Variants in CFAP74 observed in about 807,000 individuals in gnomAD.
CFAP74 encodes the protein cilia- and flagella-associated protein 74.
CFAP74 carries 124 observed loss-of-function variants against 188.9 expected under a neutral mutation model. The ratio of observed to expected loss-of-function variants is 0.66; its 90% CI spans 0.57 to 0.76. CFAP74 has a LOEUF of 0.76. Ranked by LOEUF, CFAP74 falls within the 30% of genes least tolerant of loss-of-function variation. The pLI is 0.00. For synonymous variants in CFAP74, 956 were observed against 916.7 expected (o/e 1.04, Z -0.77); for missense variants, 2,198 against 2,165.2 (o/e 1.02, Z -0.30).
intron 1 of CFAP74, among the ~76,000 whole-genome samples, chr1:1,993,372 A>G (rs1020348286): frequency 2.0e-5 from 3 of 151,370 alleles, no homozygotes; most frequent in Admixed American, 6.6e-5. Flanking sequence ...GCAGCCTCCA[A>G]CTCCTGGGCT....
chr1:1,951,709 C>T lies in CFAP74; in HGVS notation c.2176+3982G>A, dbSNP rs77591335. 4.4e-3 allele frequency among the ~76,000 whole-genome samples: 670 copies of T among 152,288 alleles called. 4 individuals carry two copies. Among genetic ancestry groups the T allele is most frequent in the Middle Eastern group, 0.017 (5 of 294 alleles). On this transcript the variant is annotated intron_variant, in intron 18 of 38. Coordinates refer to ENST00000682832, the MANE Select transcript of CFAP74 (RefSeq NM_001304360.2). ...GAATTTTGGTTGGAATTGCATTGATCCATAGTTAGTTCTGGGATATTCACA... is the reference window on the plus strand; with the variant it reads ...GAATTTTGGTTGGAATTGCATTGATTCATAGTTAGTTCTGGGATATTCACA...
chr1:1,925,859 A>G lies in CFAP74; in HGVS notation c.4028T>C (p.Ile1343Thr). The G allele has an allele frequency of 9.3e-6, 15 of 1,612,688 alleles. No homozygotes were observed. The highest frequency in any genetic ancestry group is 1.3e-5 in the Non-Finnish European group (15 of 1,179,924). The change falls in exon 33 of 39, where the codon ATC (isoleucine) becomes ACC (threonine). Residue 1343 changes from isoleucine to threonine, a missense_variant. Physicochemically the swap from Ile to Thr is moderately conservative, Grantham distance 89 (BLOSUM62 -1). Coordinates refer to ENST00000682832, the MANE Select transcript of CFAP74 (RefSeq NM_001304360.2). The stretch of plus-strand genomic sequence containing the variant: ...GACGCTGCCTTCAATGGAGCACGTG[A>G]TCATGGACGCCACGCCAGTGCCCAT... The part of the protein sequence containing the change: ...TLMGTGVASM[I>T]TCSIEGSVLN...
At chr1:1,951,302 C>T (rs1267703580) in intron 18 of CFAP74, among the ~76,000 whole-genome samples, 1 of 152,186 alleles carries the variant, frequency 6.6e-6, no homozygotes, top group Non-Finnish European at 1.5e-5. Context: ...TTCCTCTCTC[C>T]ACACGTGGGG....
At chr1:1,936,839 G>A (rs1158008672) in intron 25 of CFAP74, among the ~76,000 whole-genome samples, 2 of 151,448 alleles carry the variant, frequency 1.3e-5, no homozygotes, top group African/African-American at 2.4e-5. Context: ...CCGGGAGGTG[G>A]AGGCTGCAGT....
Position 1,980,510 on chromosome 1 carries a change from C to T in CFAP74, c.500+4876G>A, listed in dbSNP as rs912060159. ...GCAGTGGGCGCCTCACAGCAGCCCCCGGGCACAGGGATGGGACCTGCGCAG... is the reference window on the plus strand; with the variant it reads ...GCAGTGGGCGCCTCACAGCAGCCCCTGGGCACAGGGATGGGACCTGCGCAG... On this transcript the variant is annotated intron_variant, in intron 6 of 38. Transcript: ENST00000682832. Among the ~76,000 whole-genome samples the T allele has an allele frequency of 3.9e-5, 6 of 152,254 alleles. 2 individuals are homozygous for T. The highest frequency in any genetic ancestry group is 7.2e-5 in the African/African-American group (3 of 41,468).
At chr1:1,977,272 G>A (rs957809711) in intron 6 of CFAP74, among the ~76,000 whole-genome samples, 3 of 152,206 alleles carry the variant, frequency 2.0e-5, no homozygotes, top group Non-Finnish European at 4.4e-5. Flanking sequence ...CACAGCAGAG[G>A]CTGATTGGGA....
intron 32 of CFAP74, 28 bp downstream of exon 32, chr1:1,926,200 G>A (rs1651876622): frequency 6.8e-7 from 1 of 1,476,900 alleles, no homozygotes; most frequent in South Asian, 1.4e-5. Context: ...TTGGGCCGCA[G>A]TGTGGCCAGG....
At chr1:1,960,694 C>T (rs1389155262) in intron 14 of CFAP74, among the ~76,000 whole-genome samples, 1 of 152,210 alleles carries the variant, frequency 6.6e-6, no homozygotes, top group African/African-American at 2.4e-5. Context: ...GTGTCCCTGG[C>T]TGGCAACATT....
intron 9 of CFAP74, among the ~76,000 whole-genome samples, chr1:1,971,105 G>T (rs1398339473): frequency 1.6e-5 from 2 of 126,288 alleles, no homozygotes; most frequent in African/African-American, 6.9e-5. Flanking sequence ...ACCTGCACAC[G>T]TGTGCACACA....
rs1256036934 is a variant in CFAP74, at chr1:1,956,776, G to A, written c.1860C>T (p.Leu620=). The stretch of plus-strand genomic sequence containing the variant: ...TGCCGAAGTCAATGAGCTCCTTGTC[G>A]AGGGACAGCTGCCAGAGGACATGGA... ...KCSTKKCSLS[L]DKELIDFGSY... The change falls in exon 17 of 39, where the codon CTC becomes CTT. Residue 620 remains leucine, a synonymous_variant. Coordinates refer to ENST00000682832, the MANE Select transcript of CFAP74 (RefSeq NM_001304360.2). The A allele has an allele frequency of 6.2e-6, 10 of 1,612,352 alleles. No homozygotes were observed. Among genetic ancestry groups the A allele is most frequent in the African/African-American group, 4.0e-5 (3 of 74,892 alleles).
chr1:1,990,286 C>T lies in CFAP74; in HGVS notation c.67+604G>A, dbSNP rs548102684. Among the ~76,000 whole-genome samples, 9 of 149,632 alleles carry T rather than the reference C, an allele frequency of 6.0e-5. No individual in the cohort carries two copies. The East Asian group carries it at 1.8e-3, about 29-fold the overall frequency. On this transcript the variant is annotated intron_variant, in intron 2 of 38. Coordinates refer to ENST00000682832, the MANE Select transcript of CFAP74 (RefSeq NM_001304360.2). The stretch of plus-strand genomic sequence containing the variant: ...ACAGCGGACTTCCGGCAAAACACGG[C>T]AAAGGGAACACAGTTTTTCTTCCCT...
chr1:1,971,208 C>T lies in CFAP74; in HGVS notation c.889-392G>A, dbSNP rs367983465. On this transcript the variant is annotated intron_variant, in intron 9 of 38. Coordinates refer to ENST00000682832, the MANE Select transcript of CFAP74 (RefSeq NM_001304360.2). The stretch of plus-strand genomic sequence containing the variant: ...GTGCACAGACGTGCTTACATGCACA[C>T]CTGCACACATACGCGTGCACGCCTG... Among the ~76,000 whole-genome samples, 214 of 151,854 alleles carry T rather than the reference C, an allele frequency of 1.4e-3. 1 individual carries two copies. The highest frequency in any genetic ancestry group is 4.7e-3 in the African/African-American group (193 of 41,340).
chr1:1,922,557 G>A, intron 38 of CFAP74, 32 bp downstream of exon 38: 1 of 1,605,548 alleles, frequency 6.2e-7, no homozygotes. Flanking sequence ...GCGTTCCCAG[G>A]GCTCCCTGGC....
In CFAP74 at chr1:1,938,685, C is replaced by G. The variant is rs112300743; in HGVS notation, c.3011+170G>C. 2.2e-3 allele frequency among the ~76,000 whole-genome samples: 332 copies of G among 152,332 alleles called. 1 individual carries two copies. The highest frequency in any genetic ancestry group is 7.4e-3 in the African/African-American group (307 of 41,568). ...TCAAGGCTGCCTGGGTCCCAGGCCT[C>G]TCTGCACCCAGGTTTGAGGTTCCTG... On this transcript the variant is annotated intron_variant, in intron 25 of 38. Transcript: ENST00000682832.
At chr1:1,963,599 A>T in intron 14 of CFAP74, 150 bp downstream of exon 14, 1 of 547,490 alleles carries the variant, frequency 1.8e-6, no homozygotes, top group Non-Finnish European at 3.2e-6. Flanking sequence ...AAGAAGACAG[A>T]GGAGCCCCCT....
chr1:1,991,515 A>C (rs1210618270), intron 1 of CFAP74, among the ~76,000 whole-genome samples: 2 of 151,814 alleles, frequency 1.3e-5, no homozygotes, highest in Non-Finnish European at 2.9e-5. Flanking sequence ...AGGCAGGAGA[A>C]TTGCTTGAAC....
chr1:1,991,015 T>C lies in CFAP74; in HGVS notation c.-19-40A>G, dbSNP rs533698823. 66 of 1,369,548 alleles carry C rather than the reference T, an allele frequency of 4.8e-5. No individual in the cohort carries two copies. In the African/African-American group the frequency reaches 6.6e-4, roughly 14 times the overall value. 84.8% of individuals were successfully genotyped at this position (1,369,548 alleles called of 1,614,324 possible). A position where few individuals can be genotyped will look rare whatever the true frequency, so the allele number is the denominator to read the frequency against. On this transcript the variant is annotated intron_variant, in intron 1 of 38. Transcript: ENST00000682832. ...CGCAAAATATAGATCAATAAAATCATAGATTTAAAAGACGGTGAATTAACC... is the reference window on the plus strand; with the variant it reads ...CGCAAAATATAGATCAATAAAATCACAGATTTAAAAGACGGTGAATTAACC...
At chr1:1,990,687 G>C (rs146931197) in intron 2 of CFAP74, among the ~76,000 whole-genome samples, 188 of 152,186 alleles carry the variant, frequency 1.2e-3, no homozygotes, top group African/African-American at 4.3e-3. Context: ...AGAAAACTAT[G>C]GTCTGCCGCC....
intron 1 of CFAP74, among the ~76,000 whole-genome samples, chr1:2,002,239 C>A (rs1010033027): frequency 6.6e-6 from 1 of 152,008 alleles, no homozygotes; most frequent in African/African-American, 2.4e-5. Flanking sequence ...AACTTTTATA[C>A]AAGTTTGGGA....
Sources: allele counts gnomAD v4.1 joint callset (sites outside exome capture counted in the v4.1 genomes callset), GRCh38; gene constraint gnomAD v4.1.1; transcripts MANE v1.5; gene names NCBI Gene and HGNC (gene_info 2026-07-23, HGNC 2026-07-21).